The following TRPM8 variants were observed in gnomAD, a reference collection of about 807,000 sequenced individuals.
The protein encoded by TRPM8 is transient receptor potential cation channel subfamily M member 8.
Under a neutral mutation model 133.7 loss-of-function variants are expected in TRPM8, and 110 were observed. The ratio of observed to expected loss-of-function variants is 0.82; its 90% CI spans 0.70 to 0.96. The LOEUF (loss-of-function observed/expected upper bound fraction) is 0.96, where lower values mean the gene tolerates loss of function less well. TRPM8 is among the 40% of genes least tolerant of loss of function. The pLI is 0.00. For synonymous variants in TRPM8, 535 were observed against 532.3 expected (o/e 1.01, Z -0.07); for missense variants, 1,291 against 1,379.5 (o/e 0.94, Z 1.02).
chr2:233,957,625 C>A (rs1333583798), intron 11 of TRPM8, among the ~76,000 whole-genome samples: 3 of 152,010 alleles, frequency 2.0e-5, no homozygotes, highest in Non-Finnish European at 2.9e-5. Context: ...CAAAAGATAT[C>A]ATTTTTTAAT....
At chr2:234,006,737 C>T in intron 22 of TRPM8, 116 bp from the exon 23 acceptor site, 1 of 701,438 alleles carries the variant, frequency 1.4e-6, no homozygotes, top group South Asian at 1.8e-5. Flanking sequence ...CCAGCCTGTG[C>T]AGGACGAATC....
chr2:234,006,957 G>A lies in TRPM8; in HGVS notation c.3230+5G>A, dbSNP rs1219430871. On this transcript the variant is annotated splice_donor_5th_base_variant and intron_variant, in intron 23 of 25. Coordinates refer to ENST00000324695, the MANE Select transcript of TRPM8 (RefSeq NM_024080.5). ...AGCCAACGACACCTCAGAGGAGTAT[G>A]TCAGACATCCCTTTCTGCTTTGCAA... is the stretch of plus-strand genomic sequence containing the variant. The A allele has an allele frequency of 3.7e-6, 6 of 1,610,142 alleles. No homozygotes were observed. The South Asian group carries it at 6.6e-5, about 18-fold the overall frequency.
chr2:233,949,966 C>T lies in TRPM8; in HGVS notation c.960C>T (p.Ile320=), dbSNP rs1340039842. The change falls in exon 9 of 26, where the codon ATC becomes ATT. Residue 320 remains isoleucine, a synonymous_variant. Transcript: ENST00000324695. ...TCCTCCAGGCCATCAATACCTCCATCAAAAATAAAATTCCTTGTGTGGTGG... is the reference window on the plus strand; with the variant it reads ...TCCTCCAGGCCATCAATACCTCCATTAAAAATAAAATTCCTTGTGTGGTGG... ...KETLKAINTS[I]KNKIPCVVVE... 1 of 1,614,116 alleles carries T rather than the reference C, an allele frequency of 6.2e-7. No individual in the cohort carries two copies. Among genetic ancestry groups the T allele is most frequent in the Non-Finnish European group, 8.5e-7 (1 of 1,180,026 alleles).
chr2:233,954,154 A>G, intron 10 of TRPM8, 135 bp downstream of exon 10: 2 of 553,388 alleles, frequency 3.6e-6, no homozygotes, highest in Non-Finnish European at 3.1e-6. Flanking sequence ...CTAGATTGGA[A>G]GCTAGAATAA....
intron 22 of TRPM8, among the ~76,000 whole-genome samples, chr2:233,998,489 G>A (rs1028355127): frequency 1.3e-5 from 2 of 151,910 alleles, no homozygotes; most frequent in South Asian, 2.1e-4. Flanking sequence ...AGCAGCCTGC[G>A]CCCAACCAGT....
rs1469180792 is a variant in TRPM8 at position 234,019,297 on chromosome 2, C to G, written c.*2041C>G. The G allele has an allele frequency of 6.6e-6, 1 of 152,040 alleles. No homozygotes were observed. Among genetic ancestry groups the G allele is most frequent in the African/African-American group, 2.4e-5 (1 of 41,396 alleles). The allele number at this position is 152,040 out of a possible 1,614,324, so 9.4% of individuals were successfully genotyped here. On this transcript the variant is annotated 3_prime_UTR_variant, in exon 26 of 26. Coordinates refer to ENST00000324695, the MANE Select transcript of TRPM8 (RefSeq NM_024080.5). Reference sequence around the variant, plus strand: ...GAGGGAACTGTTAAATGTTTTCAACCCAGTTCATCTGGTGGATGTTTTTGC... The same window carrying G: ...GAGGGAACTGTTAAATGTTTTCAACGCAGTTCATCTGGTGGATGTTTTTGC...
At chr2:233,967,393 A>G (rs13401339) in intron 15 of TRPM8, among the ~76,000 whole-genome samples, 79,048 of 151,956 alleles carry the variant, frequency 0.52, 21,202 homozygotes, top group East Asian at 0.61. Flanking sequence ...AGGGGAGGGG[A>G]AAAGGAAGAG....
rs1413506918 is a variant in TRPM8 at position 234,017,347 on chromosome 2, G to C, written c.*91G>C. 2.1e-6 allele frequency: 1 copy of C among 471,376 alleles called. No homozygotes were observed. The highest frequency in any genetic ancestry group is 4.4e-6 in the Non-Finnish European group (1 of 227,110). The allele number at this position is 471,376 out of a possible 1,614,324, so 29.2% of individuals were successfully genotyped here. On this transcript the variant is annotated 3_prime_UTR_variant, in exon 26 of 26. Coordinates refer to ENST00000324695, the MANE Select transcript of TRPM8 (RefSeq NM_024080.5). ...ACAATTTTGCTATCGACTACTAAAT[G>C]AGAGATTTTCAGACCCCTGGGTACA...
chr2:233,970,526 A>G, intron 17 of TRPM8, 100 bp downstream of exon 17: 1 of 1,143,408 alleles, frequency 8.7e-7, no homozygotes, highest in Non-Finnish European at 1.3e-6. Flanking sequence ...TTCAAAAGTC[A>G]CTATTTTCCC....
rs142942411 is a variant in TRPM8 at position 233,942,643 on chromosome 2, T to C, written c.594T>C (p.Asp198=). The C allele has an allele frequency of 6.2e-7, 1 of 1,614,060 alleles. No individual in the cohort carries two copies. Among genetic ancestry groups the C allele is most frequent in the African/African-American group, 1.3e-5 (1 of 74,912 alleles). ...LMKYIGEVVR[D]NTISRSSEEN... Reference sequence around the variant, plus strand: ...AGTACATCGGGGAGGTGGTGAGAGATAACACCATCAGCAGGAGTTCAGAGG... The same window carrying C: ...AGTACATCGGGGAGGTGGTGAGAGACAACACCATCAGCAGGAGTTCAGAGG... The change falls in exon 6 of 26, where the codon GAT becomes GAC. Residue 198 remains aspartate (D), a synonymous_variant. Coordinates refer to ENST00000324695, the MANE Select transcript of TRPM8 (RefSeq NM_024080.5).
chr2:234,002,739 G>C (rs1445882526), intron 22 of TRPM8, among the ~76,000 whole-genome samples: 1 of 152,174 alleles, frequency 6.6e-6, no homozygotes, highest in Non-Finnish European at 1.5e-5. Context: ...GGAAATATAG[G>C]GGAGAATCCA....
At chr2:233,977,296 G>A (rs1382554623) in intron 17 of TRPM8, among the ~76,000 whole-genome samples, 3 of 152,212 alleles carry the variant, frequency 2.0e-5, no homozygotes, top group Non-Finnish European at 4.4e-5. Context: ...AATCCTGACA[G>A]ATATGATGAA....
At chr2:233,966,969 T>A (rs537742349) in intron 15 of TRPM8, among the ~76,000 whole-genome samples, 1 of 152,316 alleles carries the variant, frequency 6.6e-6, no homozygotes, top group African/African-American at 2.4e-5. Context: ...GAATATTCTT[T>A]GAGTTTCCAC....
intron 24 of TRPM8, 142 bp from the exon 25 acceptor site, chr2:234,014,420 C>A (rs1692910022): frequency 6.4e-6 from 3 of 470,120 alleles, no homozygotes; most frequent in Admixed American, 4.5e-5. Context: ...ACATGCCACT[C>A]TCATTCTGCC....
chr2:233,974,231 G>C (rs1003896669), intron 17 of TRPM8, among the ~76,000 whole-genome samples: 3 of 151,854 alleles, frequency 2.0e-5, no homozygotes, highest in African/African-American at 7.3e-5. Context: ...TTGTTTTTTA[G>C]TTTTTTTGTT....
intron 22 of TRPM8, among the ~76,000 whole-genome samples, chr2:233,997,460 C>T (rs751801692): frequency 1.3e-5 from 2 of 152,182 alleles, no homozygotes; most frequent in African/African-American, 2.4e-5. Flanking sequence ...TGACCCTCCA[C>T]AGCTGGAGCA....
chr2:233,965,558 T>C (rs567315578), intron 14 of TRPM8, among the ~76,000 whole-genome samples: 3 of 152,202 alleles, frequency 2.0e-5, no homozygotes, highest in Non-Finnish European at 4.4e-5. Context: ...GCTCAGTTTT[T>C]TCCATTTTCA....
chr2:233,938,969 T>C (rs1559520893), intron 4 of TRPM8, 29 bp from the exon 5 acceptor site: 2 of 1,613,180 alleles, frequency 1.2e-6, no homozygotes, highest in Non-Finnish European at 1.7e-6. Context: ...CACAGGCCTA[T>C]CCTGATACTT....
intron 22 of TRPM8, among the ~76,000 whole-genome samples, chr2:234,005,593 AATACAT>A (rs1034529251): frequency 1.1e-4 from 16 of 152,310 alleles, no homozygotes; most frequent in African/African-American, 3.8e-4. Context: ...CTTAAAAATA[AATACAT>A]ATTTGCTATG....
Sources: gnomAD v4.1 joint callset for allele counts (sites outside exome capture counted in the v4.1 genomes callset) on GRCh38, gnomAD v4.1.1 for gene constraint, MANE v1.5 for transcripts, NCBI Gene and HGNC (gene_info 2026-07-23, HGNC 2026-07-21) for gene names.